The following GALNT9 variants were observed in gnomAD, a reference collection of about 807,000 sequenced individuals.
GALNT9 encodes the protein GalNAc transferase 9.
Under a neutral mutation model 63.1 loss-of-function variants are expected in GALNT9, and 47 were observed. The ratio of observed to expected loss-of-function variants is 0.75; its 90% CI spans 0.59 to 0.95. GALNT9 has a LOEUF of 0.95. Among genes scored for constraint, GALNT9 ranks in the 40% least tolerant of loss-of-function variants. GALNT9 has a pLI of 0.00. For missense variants in GALNT9, 829 were observed against 874.8 expected (o/e 0.95, Z 0.66); for synonymous variants, 396 against 365.7 (o/e 1.08, Z -0.94).
intron 1 of GALNT9, among the ~76,000 whole-genome samples, chr12:132,317,209 G>A (rs568887070): frequency 2.7e-4 from 40 of 149,546 alleles, no homozygotes; most frequent in African/African-American, 8.9e-4. Flanking sequence ...TACACCCCAC[G>A]GCACATCCCC....
chr12:132,302,229 TACAC>T (rs56317485), intron 1 of GALNT9, among the ~76,000 whole-genome samples: 1,858 of 143,806 alleles, frequency 0.013, 33 homozygotes, highest in African/African-American at 0.039. Context: ...TAGAAAATTC[TACAC>T]ACACACACAC....
intron 6 of GALNT9, chr12:132,240,487 G>A (rs2136898334): frequency 3.5e-5 from 14 of 398,116 alleles, no homozygotes; most frequent in South Asian, 1.8e-4. Flanking sequence ...TGCCCAGCTC[G>A]GACCCCGGGC....
intron 8 of GALNT9, 44 bp downstream of exon 8, chr12:132,201,080 A>G (rs373952650): frequency 6.3e-7 from 1 of 1,589,828 alleles, no homozygotes; most frequent in Non-Finnish European, 8.6e-7. Flanking sequence ...GAGTCAGGGC[A>G]GAAAGCCTGT....
rs1868692577 is a variant in GALNT9 at position 132,319,723 on chromosome 12, A to G, written c.238+9243T>C. ...CACACACAGCTGTACCCGGCACAAC[A>G]CGCGGCCACAGGTCACCTCAGGTCG... On this transcript the variant is annotated intron_variant, in intron 1 of 10. Coordinates refer to ENST00000328957, the MANE Select transcript of GALNT9 (RefSeq NM_001122636.2). The surrounding 1 kb of genome is among the most constrained non-coding windows in gnomAD (Gnocchi z 5.2). 6.6e-6 allele frequency among the ~76,000 whole-genome samples: 1 copy of G among 152,068 alleles called. No homozygotes were observed. The highest frequency in any genetic ancestry group is 1.5e-5 in the Non-Finnish European group (1 of 67,998).
chr12:132,207,352 A>T (rs1876756464), intron 6 of GALNT9, among the ~76,000 whole-genome samples: 1 of 152,194 alleles, frequency 6.6e-6, no homozygotes, highest in Non-Finnish European at 1.5e-5. Context: ...ATAGCTGCGG[A>T]ACGAATGTGT....
At chr12:132,240,588 G>GC (rs2136898751) in intron 6 of GALNT9, 5 of 455,288 alleles carry the variant, frequency 1.1e-5, no homozygotes, top group Non-Finnish European at 1.8e-5. Context: ...CCGGGGCTCG[G>GC]CTGTGGGCTC....
At chr12:132,312,540 G>A (rs1276567676) in intron 1 of GALNT9, among the ~76,000 whole-genome samples, 2 of 152,220 alleles carry the variant, frequency 1.3e-5, no homozygotes, top group Non-Finnish European at 2.9e-5. Flanking sequence ...GCTGTCCTCT[G>A]ATGGTGCACA....
At chr12:132,270,886 T>C in intron 2 of GALNT9, among the ~76,000 whole-genome samples, 1 of 143,608 alleles carries the variant, frequency 7.0e-6, no homozygotes, top group Admixed American at 6.9e-5. Flanking sequence ...GGAAGGGGAG[T>C]GGGAGAGGAG....
chr12:132,246,971 G>T lies in GALNT9; in HGVS notation c.1077+939C>A, dbSNP rs1438283931. ...AAGCTTACAGCACAGGTTTTGAAAG[G>T]TGCAACTTAATAAACTACATATAAA... On this transcript the variant is annotated intron_variant, in intron 6 of 10. Coordinates refer to ENST00000328957, the MANE Select transcript of GALNT9 (RefSeq NM_001122636.2). This position sits in a 1 kb window ranked among gnomAD's most constrained non-coding sequence, Gnocchi z 4.7. Among the ~76,000 whole-genome samples, 2 of 152,220 alleles carry T rather than the reference G, an allele frequency of 1.3e-5. No homozygotes were observed. Among genetic ancestry groups the T allele is most frequent in the African/African-American group, 4.8e-5 (2 of 41,446 alleles).
intron 5 of GALNT9, among the ~76,000 whole-genome samples, chr12:132,257,055 C>T (rs1003679124): frequency 3.3e-5 from 5 of 152,290 alleles, no homozygotes; most frequent in Admixed American, 6.5e-5. Flanking sequence ...GGCAGCCATG[C>T]CTTGAAGACT....
chr12:132,227,973 G>A (rs1877759103), intron 6 of GALNT9, among the ~76,000 whole-genome samples: 1 of 152,148 alleles, frequency 6.6e-6, no homozygotes, highest in Non-Finnish European at 1.5e-5. Flanking sequence ...TTGACCTGCT[G>A]AGGTTGAGCA....
chr12:132,206,124 C>G (rs770783714), intron 6 of GALNT9: 24 of 152,506 alleles, frequency 1.6e-4, no homozygotes, highest in Non-Finnish European at 3.1e-4. Flanking sequence ...CCACCCACCA[C>G]AGAATCCTGT....
chr12:132,240,800 ATGCCACACACC>A lies in GALNT9; in HGVS notation c.1077+7099_1077+7109del, dbSNP rs1555236955. ...GTATGATCTATACATGTTTACACAC[ATGCCACACACC>A]CTTCCCAAGGCCGTCCCTATACCCA... is the stretch of plus-strand genomic sequence containing the variant. On this transcript the variant is annotated intron_variant, in intron 6 of 10. Coordinates refer to ENST00000328957, the MANE Select transcript of GALNT9 (RefSeq NM_001122636.2). The A allele has an allele frequency of 5.1e-3, 2,239 of 443,106 alleles. 107 individuals are homozygous for A. The highest frequency in any genetic ancestry group is 0.01 in the Admixed American group (429 of 41,872). 27.4% of individuals were successfully genotyped at this position (443,106 alleles called of 1,614,324 possible).
At chr12:132,261,756 A>G (rs1160585030) in intron 3 of GALNT9, among the ~76,000 whole-genome samples, 1 of 152,190 alleles carries the variant, frequency 6.6e-6, no homozygotes, top group Non-Finnish European at 1.5e-5. Context: ...CCATTTCCAG[A>G]GGGAGTGTCA....
chr12:132,323,918 G>T (rs1270912502), intron 1 of GALNT9, among the ~76,000 whole-genome samples: 1 of 152,206 alleles, frequency 6.6e-6, no homozygotes, highest in Non-Finnish European at 1.5e-5. Context: ...CCAGGGCGCT[G>T]CAGCTGTCTT....
intron 6 of GALNT9, chr12:132,205,859 C>G (rs937028343): frequency 6.6e-6 from 1 of 152,304 alleles, no homozygotes; most frequent in East Asian, 1.9e-4. Flanking sequence ...CCTCCCACTC[C>G]GCGGATGTCT....
At chr12:132,210,671 T>C (rs1876916386) in intron 6 of GALNT9, among the ~76,000 whole-genome samples, 1 of 152,228 alleles carries the variant, frequency 6.6e-6, no homozygotes, top group African/African-American at 2.4e-5. Flanking sequence ...AGAGCTGGCA[T>C]GGGCAGGCTG....
chr12:132,325,563 G>A (rs147246763), intron 1 of GALNT9, among the ~76,000 whole-genome samples: 38 of 152,342 alleles, frequency 2.5e-4, no homozygotes, highest in African/African-American at 9.1e-4. Flanking sequence ...GCTGGCCACA[G>A]TGGGGCCTTC....
intron 10 of GALNT9, 42 bp downstream of exon 10, chr12:132,197,750 G>A (rs1206468658): frequency 1.6e-6 from 2 of 1,266,538 alleles, no homozygotes; most frequent in African/African-American, 2.0e-5. Context: ...CAGCAGCCCT[G>A]CCCCGCCCCA....
Sources: allele counts gnomAD v4.1 joint callset (sites outside exome capture counted in the v4.1 genomes callset), GRCh38; gene constraint gnomAD v4.1.1; non-coding constraint Gnocchi (gnomAD v3.1); transcripts MANE v1.5; gene names NCBI Gene and HGNC (gene_info 2026-07-23, HGNC 2026-07-21).